Variants in SH2B1 observed in about 807,000 individuals in gnomAD.
SH2B1 encodes the protein SH2B adaptor protein 1.
SH2B1 carries 15 observed loss-of-function variants against 62.6 expected under a neutral mutation model. The observed-to-expected ratio is 0.24, with a 90% confidence interval of 0.16 to 0.37. The LOEUF (loss-of-function observed/expected upper bound fraction) is 0.37, where lower values mean the gene tolerates loss of function less well. Among genes scored for constraint, SH2B1 ranks in the 10% least tolerant of loss-of-function variants. The probability of loss-of-function intolerance (pLI) is 1.00; values close to 1 mark genes in which losing one functional copy is unlikely to be tolerated. For synonymous variants in SH2B1, 443 were observed against 438.0 expected, an observed-to-expected ratio of 1.01 and a Z score of -0.14; for missense variants, 925 against 1,015.6, an observed-to-expected ratio of 0.91 and a Z score of 1.21.
intron 1 of SH2B1, among the ~76,000 whole-genome samples, chr16:28,851,662 A>G (rs1398001745): frequency 6.7e-6 from 1 of 150,164 alleles, no homozygotes; most frequent in African/African-American, 2.4e-5. Context: ...ATGGAGTTTC[A>G]CCATGTTGGC....
chr16:28,850,311 C>T (rs1475786988), intron 1 of SH2B1, among the ~76,000 whole-genome samples: 1 of 152,176 alleles, frequency 6.6e-6, no homozygotes, highest in Admixed American at 6.5e-5. Context: ...TAGCTACTGC[C>T]GGGGGCACTG....
In SH2B1 at chr16:28,868,899, C is replaced by T. The variant is rs542399324; in HGVS notation, c.1042-107C>T. Reference sequence around the variant, plus strand: ...CTGTACCCGGCCTCCAGAGAGAATTCGAATGCATCTTGTTTGTAGACAGCC... The same window carrying T: ...CTGTACCCGGCCTCCAGAGAGAATTTGAATGCATCTTGTTTGTAGACAGCC... On this transcript the variant is annotated intron_variant, in intron 2 of 7. Transcript: ENST00000684370. The T allele has an allele frequency of 2.5e-4, 213 of 869,060 alleles. No individual in the cohort carries two copies. The Middle Eastern group carries it at 5.7e-3, about 23-fold the overall frequency. 53.8% of individuals were successfully genotyped at this position (869,060 alleles called of 1,614,324 possible). A position where few individuals can be genotyped will look rare whatever the true frequency, so the allele number is the denominator to read the frequency against.
intron 1 of SH2B1, among the ~76,000 whole-genome samples, chr16:28,851,926 G>A (rs993139585): frequency 6.7e-6 from 1 of 149,762 alleles, no homozygotes; most frequent in Non-Finnish European, 1.5e-5. Context: ...AAATAGTTGG[G>A]CATGGTGGTG....
At chr16:28,859,451 T>C (rs1962389308), upstream of SH2B1, among the ~76,000 whole-genome samples, 1 of 152,112 alleles carries the variant, frequency 6.6e-6, no homozygotes, top group Admixed American at 6.6e-5. Flanking sequence ...GCTGTAGCTA[T>C]TGGGAAAGCT....
In SH2B1 at chr16:28,865,842, C is replaced by T. The variant is rs1962652942; in HGVS notation, c.-253C>T. 3.1e-6 allele frequency: 4 copies of T among 1,285,904 alleles called. No homozygotes were observed. The highest frequency in any genetic ancestry group is 3.9e-6 in the Non-Finnish European group (4 of 1,018,088). 79.7% of individuals were successfully genotyped at this position (1,285,904 alleles called of 1,614,324 possible). On this transcript the variant is annotated 5_prime_UTR_variant, in exon 1 of 8. Transcript: ENST00000684370. ...ACGCTGGGGAGCCAGTTGGCTGGGGCCTGCAGGGTGCCAGGATCTGGGAGA... is the reference window on the plus strand; with the variant it reads ...ACGCTGGGGAGCCAGTTGGCTGGGGTCTGCAGGGTGCCAGGATCTGGGAGA...
At chr16:28,854,001 C>CAAAAA (rs59760541) in intron 1 of SH2B1, among the ~76,000 whole-genome samples, 1 of 45,982 alleles carries the variant, frequency 2.2e-5, no homozygotes, top group Non-Finnish European at 3.5e-5. Context: ...GACTAGGTCT[C>CAAAAA]AAAAAAAAAA....
At position 28,872,162 on chromosome 16, in the gene SH2B1, G is replaced by A. The variant is rs1182386731; in HGVS notation, c.1514-28G>A. On this transcript the variant is annotated intron_variant, in intron 5 of 7. Coordinates refer to ENST00000684370, the MANE Select transcript of SH2B1 (RefSeq NM_001387430.1). The surrounding 1 kb of genome is among the most constrained non-coding windows in gnomAD (Gnocchi z 5.3). ...ATGGGGGAGGCTGCCCTGACACCCC[G>A]GTTTCCCTCCCTCTCTCCTTCCTGA... The A allele has an allele frequency of 2.5e-6, 4 of 1,599,136 alleles. No individual in the cohort carries two copies. Among genetic ancestry groups the A allele is most frequent in the East Asian group, 2.2e-5 (1 of 44,748 alleles).
chr16:28,852,520 T>A (rs377170623), intron 1 of SH2B1, among the ~76,000 whole-genome samples: 4 of 48,036 alleles, frequency 8.3e-5, no homozygotes, highest in African/African-American at 3.5e-4. Flanking sequence ...ACACATATAT[T>A]TATATATATA....
In SH2B1 at chr16:28,865,326, G is replaced by C. The variant is rs1482138432; in HGVS notation, c.-769G>C. ...GCGTGGGTGCTGGACTCTGGGGTCA[G>C]CTTTCAAGACAATTACTGTTTTGGT... On this transcript the variant is annotated 5_prime_UTR_variant, in exon 1 of 8. Transcript: ENST00000684370. The C allele has an allele frequency of 3.0e-6, 3 of 985,570 alleles. No homozygotes were observed. In the African/African-American group the frequency reaches 5.2e-5, roughly 17 times the overall value. 61.1% of individuals were successfully genotyped at this position (985,570 alleles called of 1,614,324 possible).
At position 28,871,965 on chromosome 16, in the gene SH2B1, A is replaced by C; in HGVS notation, c.1495A>C (p.Thr499Pro). Reference protein sequence around the residue: ...PLSAPYPPLDTPETATGSFLF... With the variant: ...PLSAPYPPLDPPETATGSFLF... ...CTCAGCCCCCTACCCTCCCTTGGAC[A>C]CTCCGGAAACAGCCACAGGTACCGG... Residue 499 changes from threonine (T) to proline (P), a missense_variant, in exon 5 of 8, where the codon ACT becomes CCT. By Grantham distance (38) the Thr-to-Pro change is conservative. Transcript: ENST00000684370. 6.3e-7 allele frequency: 1 copy of C among 1,598,954 alleles called. No individual in the cohort carries two copies. Among genetic ancestry groups the C allele is most frequent in the South Asian group, 1.1e-5 (1 of 90,596 alleles).
At chr16:28,868,960 T>G (rs1365051250) in intron 2 of SH2B1, 46 bp from the exon 3 acceptor site, 6 of 1,447,890 alleles carry the variant, frequency 4.1e-6, no homozygotes, top group Non-Finnish European at 5.8e-6. Context: ...GGATTAAGCC[T>G]CCTCCCTGCC....
chr16:28,866,225 G>A lies in SH2B1; in HGVS notation c.131G>A (p.Arg44His), dbSNP rs778471031. ...ARAAALDFAR[R>H]FRLYLASHPQ... ...GCTGCGGCTCTGGACTTTGCCCGCC[G>A]TTTTCGCCTCTACCTGGCCTCCCAC... The change falls in exon 1 of 8, where the codon CGT becomes CAT. Residue 44 changes from arginine (R) to histidine (H), a missense_variant. By Grantham distance (29) the Arg-to-His change is conservative. Coordinates refer to ENST00000684370, the MANE Select transcript of SH2B1 (RefSeq NM_001387430.1). This position sits in a 1 kb window ranked among gnomAD's most constrained non-coding sequence, Gnocchi z 6.3. 1.4e-5 allele frequency: 23 copies of A among 1,608,950 alleles called. No individual in the cohort carries two copies. Among genetic ancestry groups the A allele is most frequent in the African/African-American group, 4.0e-5 (3 of 74,696 alleles).
intron 1 of SH2B1, among the ~76,000 whole-genome samples, chr16:28,856,477 C>T (rs1433183890): frequency 2.0e-5 from 3 of 152,068 alleles, no homozygotes; most frequent in East Asian, 1.9e-4. Flanking sequence ...TCTTGGCCCT[C>T]AGCTTCATTA....
Position 28,872,470 on chromosome 16 carries a change from G to T in SH2B1, c.1726-64G>T, listed in dbSNP as rs1963097250. On this transcript the variant is annotated intron_variant, in intron 6 of 7. Transcript: ENST00000684370. This position sits in a 1 kb window ranked among gnomAD's most constrained non-coding sequence, Gnocchi z 5.3. ...CAGTGGGGTGGGGGAGCACTGCCGG[G>T]GGAGGGGGTTTGTACCTGGCAGGGC... The T allele has an allele frequency of 6.4e-7, 1 of 1,574,224 alleles. No individual in the cohort carries two copies. Among genetic ancestry groups the T allele is most frequent in the Non-Finnish European group, 8.7e-7 (1 of 1,155,926 alleles).
intron 1 of SH2B1, among the ~76,000 whole-genome samples, chr16:28,849,319 A>G (rs1962048856): frequency 6.6e-6 from 1 of 152,030 alleles, no homozygotes; most frequent in East Asian, 1.9e-4. Flanking sequence ...TGGTCTCCCA[A>G]TACCGGGGCC....
At chr16:28,858,863 C>G (rs912663529), upstream of SH2B1, among the ~76,000 whole-genome samples, 1 of 151,288 alleles carries the variant, frequency 6.6e-6, no homozygotes, top group East Asian at 2.0e-4. Context: ...TCACTTGAAT[C>G]CAGGAGGCAG....
Position 28,866,130 on chromosome 16 carries a change from C to T in SH2B1, c.36C>T (p.Ser12=). ...CCCCTTCCCCAGAGGACGGGGCCTC[C>T]CCCTCGTCTCCCCCGCTGCCCCCAC... ...NGAPSPEDGA[S]PSSPPLPPPP... is the part of the protein sequence containing the mutation. Residue 12 remains serine (S), a synonymous_variant, in exon 1 of 8, where the codon TCC becomes TCT. Coordinates refer to ENST00000684370, the MANE Select transcript of SH2B1 (RefSeq NM_001387430.1). This position sits in a 1 kb window ranked among gnomAD's most constrained non-coding sequence, Gnocchi z 6.3. 2 of 1,570,612 alleles carry T rather than the reference C, an allele frequency of 1.3e-6. No homozygotes were observed. The highest frequency in any genetic ancestry group is 1.7e-6 in the Non-Finnish European group (2 of 1,160,548).
intron 2 of SH2B1, 104 bp downstream of exon 2, chr16:28,867,536 C>G (rs1962785155): frequency 1.2e-5 from 10 of 820,494 alleles, no homozygotes; most frequent in Middle Eastern, 4.5e-4. Flanking sequence ...ATATATGTGT[C>G]CAGTGCCTTG....
At position 28,872,310 on chromosome 16, in the gene SH2B1, G is replaced by A; in HGVS notation, c.1634G>A (p.Gly545Asp). ...GCTGCACAGTTGGTGCTGACTGGCG[G>A]CACTGGCTCCCACGGTGTCTTCCTG... ...LKAAQLVLTG[G>D]TGSHGVFLVR... is the part of the protein sequence containing the mutation. Residue 545 changes from glycine to aspartate, a missense_variant, in exon 6 of 8, where the codon GGC (glycine) becomes GAC (aspartate). This residue lies in a region of SH2B1 where 57 missense variants were observed against 122.1 expected (regional missense o/e 0.47). Transcript: ENST00000684370. The surrounding 1 kb of genome is among the most constrained non-coding windows in gnomAD (Gnocchi z 5.3). 6.2e-7 allele frequency: 1 copy of A among 1,614,012 alleles called. No individual in the cohort carries two copies. Among genetic ancestry groups the A allele is most frequent in the Non-Finnish European group, 8.5e-7 (1 of 1,179,898 alleles).
Sources: allele counts gnomAD v4.1 joint callset (sites outside exome capture counted in the v4.1 genomes callset), GRCh38; gene constraint gnomAD v4.1.1; regional missense constraint gnomAD v4.1.1; non-coding constraint Gnocchi (gnomAD v3.1); transcripts MANE v1.5; gene names NCBI Gene and HGNC (gene_info 2026-07-23, HGNC 2026-07-21).